PIK3C2A: variants seen among roughly 807,000 people sequenced by gnomAD.
PIK3C2A encodes the protein phosphatidylinositol 4-phosphate 3-kinase C2 domain-containing subunit alpha.
PIK3C2A carries 97 observed loss-of-function variants against 204.5 expected under a neutral mutation model. That is an observed-to-expected ratio of 0.47 (90% confidence interval 0.40 to 0.56). PIK3C2A has a LOEUF of 0.56. PIK3C2A is among the 20% of genes least tolerant of loss of function. The pLI, the probability that PIK3C2A is intolerant of heterozygous loss-of-function variation, is 0.00. For missense variants in PIK3C2A, 1,735 were observed against 1,969.2 expected (o/e 0.88, Z 2.25); for synonymous variants, 653 against 664.4 (o/e 0.98, Z 0.26).
chr11:17,135,675 ATATGTGTG>A (rs577205353), intron 9 of PIK3C2A, among the ~76,000 whole-genome samples: 3,098 of 87,944 alleles, frequency 0.035, 119 homozygotes, highest in African/African-American at 0.12. Flanking sequence ...GTAATTTCAT[ATATGTGTG>A]TGTGTGTGTG....
chr11:17,110,501 T>A lies in PIK3C2A; in HGVS notation c.3475A>T (p.Ile1159Phe), dbSNP rs138982128. 5.5e-5 allele frequency: 88 copies of A among 1,610,172 alleles called. No homozygotes were observed. In the African/African-American group the frequency reaches 1.0e-3, roughly 19 times the overall value. ...ALQMIKIMDK[I>F]WLKEGLDLRM... Reference sequence around the variant, plus strand: ...AGATCTAGTCCTTCTTTAAGCCAGATCTTATCCATAATCTTTATCATCTGT... The same window carrying A: ...AGATCTAGTCCTTCTTTAAGCCAGAACTTATCCATAATCTTTATCATCTGT... The change falls in exon 22 of 33, where the codon ATC (isoleucine) becomes TTC (phenylalanine). Residue 1159 changes from isoleucine to phenylalanine, a missense_variant. Coordinates refer to ENST00000691414, the MANE Select transcript of PIK3C2A (RefSeq NM_002645.4).
At chr11:17,177,629 G>A (rs1170914371) in intron 1 of PIK3C2A, among the ~76,000 whole-genome samples, 1 of 152,080 alleles carries the variant, frequency 6.6e-6, no homozygotes, top group Non-Finnish European at 1.5e-5. Flanking sequence ...CCCAGTACAT[G>A]ACAAGATAAT....
intron 1 of PIK3C2A, among the ~76,000 whole-genome samples, chr11:17,204,586 A>G (rs1304527590): frequency 6.6e-6 from 1 of 152,092 alleles, no homozygotes; most frequent in African/African-American, 2.4e-5. Context: ...AGGTGACCAT[A>G]TCCTATTTAG....
intron 1 of PIK3C2A, among the ~76,000 whole-genome samples, chr11:17,188,892 G>A (rs924444599): frequency 6.8e-6 from 1 of 146,866 alleles, no homozygotes; most frequent in Non-Finnish European, 1.5e-5. Flanking sequence ...AGCTCTCCAC[G>A]GCATTCCAGG....
intron 23 of PIK3C2A, among the ~76,000 whole-genome samples, chr11:17,103,156 C>T (rs1467420786): frequency 6.6e-6 from 1 of 151,306 alleles, no homozygotes; most frequent in Non-Finnish European, 1.5e-5. Context: ...TCTGACTCTG[C>T]TGCTTAGAAT....
In PIK3C2A at chr11:17,122,709, A is replaced by T; in HGVS notation, c.2504T>A (p.Val835Glu). 6 of 1,337,096 alleles carry T rather than the reference A, an allele frequency of 4.5e-6. No homozygotes were observed. Among genetic ancestry groups the T allele is most frequent in the Non-Finnish European group, 6.4e-6 (6 of 931,952 alleles). 82.8% of individuals were successfully genotyped at this position (1,337,096 alleles called of 1,614,324 possible). The change falls in exon 14 of 33, where the codon GTG (valine) becomes GAG (glutamate). Residue 835 changes from valine (V) to glutamate (E), a missense_variant. Val to Glu is a moderately radical substitution (Grantham distance 121). Transcript: ENST00000691414. The stretch of plus-strand genomic sequence containing the variant: ...GTCAAGAAGTACCATTACCTGTAGC[A>T]CTATTCTTTCCATGACATATCCTTT... ...TKKGYVMERI[V>E]LQVDFPSPAF... is the part of the protein sequence containing the mutation.
At chr11:17,113,296 T>G (rs1013919092) in intron 20 of PIK3C2A, among the ~76,000 whole-genome samples, 2 of 152,064 alleles carry the variant, frequency 1.3e-5, no homozygotes, top group Non-Finnish European at 2.9e-5. Flanking sequence ...AAGCAAAAAC[T>G]TGAGACACAA....
chr11:17,137,826 G>A, intron 8 of PIK3C2A: 1 of 305,480 alleles, frequency 3.3e-6, no homozygotes, highest in East Asian at 7.2e-5. Context: ...TCTTTGCCAA[G>A]CTAGCGCATT....
Position 17,118,662 on chromosome 11 carries a change from T to C in PIK3C2A, c.3018A>G (p.Ile1006Met). The C allele has an allele frequency of 6.8e-7, 1 of 1,464,490 alleles. No individual in the cohort carries two copies. Among genetic ancestry groups the C allele is most frequent in the Non-Finnish European group, 9.5e-7 (1 of 1,049,064 alleles). 90.7% of individuals were successfully genotyped at this position (1,464,490 alleles called of 1,614,324 possible). A position where few individuals can be genotyped will look rare whatever the true frequency, so the allele number is the denominator to read the frequency against. ...LLSRALGNIQ[I>M]AHNLYWLLKD... ...AATCTTACCAATATAAATTGTGTGC[T>C]ATCTGGATATTTCCCAATGCCCTGG... The change falls in exon 18 of 33, where the codon ATA becomes ATG. Residue 1006 changes from isoleucine (I) to methionine (M), a missense_variant. This residue lies in a region of PIK3C2A where 567 missense variants were observed against 576.0 expected (regional missense o/e 0.98). Coordinates refer to ENST00000691414, the MANE Select transcript of PIK3C2A (RefSeq NM_002645.4).
intron 15 of PIK3C2A, among the ~76,000 whole-genome samples, 183 bp downstream of exon 15, chr11:17,122,005 G>A (rs543210473): frequency 3.4e-5 from 5 of 145,674 alleles, no homozygotes; most frequent in South Asian, 4.4e-4. Flanking sequence ...GCTGGCCCTC[G>A]AGACAAAAGT....
chr11:17,137,549 C>A lies in PIK3C2A; in HGVS notation c.1705-924G>T, dbSNP rs1164797660. Among the ~76,000 whole-genome samples, 8 of 151,596 alleles carry A rather than the reference C, an allele frequency of 5.3e-5. No homozygotes were observed. In the Admixed American group the frequency reaches 5.3e-4, roughly 10 times the overall value. On this transcript the variant is annotated intron_variant, in intron 8 of 32. Transcript: ENST00000691414. ...TCAGCCTCCCGAGTAGCTGGGATTACAGGTGTCTGCCACCATGCCTGGCTA... is the reference window on the plus strand; with the variant it reads ...TCAGCCTCCCGAGTAGCTGGGATTAAAGGTGTCTGCCACCATGCCTGGCTA...
intron 28 of PIK3C2A, among the ~76,000 whole-genome samples, chr11:17,092,706 G>C (rs1423503181): frequency 2.0e-5 from 3 of 152,116 alleles, no homozygotes; most frequent in Non-Finnish European, 4.4e-5. Context: ...TCTCTTCAAA[G>C]TATTGGAGAT....
intron 1 of PIK3C2A, among the ~76,000 whole-genome samples, chr11:17,178,401 G>A (rs980388826): frequency 6.6e-6 from 1 of 152,000 alleles, no homozygotes; most frequent in Non-Finnish European, 1.5e-5. Context: ...AAAACATGGT[G>A]AACAAGTATC....
chr11:17,138,883 A>G (rs972377547), intron 8 of PIK3C2A, among the ~76,000 whole-genome samples: 2 of 152,106 alleles, frequency 1.3e-5, no homozygotes, highest in Non-Finnish European at 2.9e-5. Flanking sequence ...CACCCCTTAA[A>G]GCAATTAATC....
intron 2 of PIK3C2A, among the ~76,000 whole-genome samples, chr11:17,163,863 A>G (rs1850861646): frequency 6.6e-6 from 1 of 151,608 alleles, no homozygotes; most frequent in Non-Finnish European, 1.5e-5. Context: ...CAGGTATTCT[A>G]CTTCCTGAAT....
chr11:17,135,051 T>G (rs1487538885), intron 10 of PIK3C2A, 22 bp from the exon 11 acceptor site: 1 of 1,609,532 alleles, frequency 6.2e-7, no homozygotes, highest in Admixed American at 1.7e-5. Flanking sequence ...AAAAAAAAAG[T>G]TAATAGATTC....
chr11:17,193,310 G>A (rs1395956833), intron 1 of PIK3C2A, among the ~76,000 whole-genome samples: 2 of 152,216 alleles, frequency 1.3e-5, no homozygotes, highest in Non-Finnish European at 2.9e-5. Flanking sequence ...TTCCGCCGCA[G>A]TTAGAAACTG....
In PIK3C2A at chr11:17,131,912, T is replaced by C; in HGVS notation, c.2231+4A>G. The C allele has an allele frequency of 6.3e-7, 1 of 1,599,526 alleles. No homozygotes were observed. The highest frequency in any genetic ancestry group is 8.5e-7 in the Non-Finnish European group (1 of 1,174,460). ...AAGAATAAAAAGCCAGAAATTTCAC[T>C]TACAGTTCATCCCATTTAATAAGAT... On this transcript the variant is annotated splice_donor_region_variant and intron_variant, in intron 12 of 32. Coordinates refer to ENST00000691414, the MANE Select transcript of PIK3C2A (RefSeq NM_002645.4).
chr11:17,141,582 G>A (rs1259003950), intron 8 of PIK3C2A, among the ~76,000 whole-genome samples: 1 of 152,116 alleles, frequency 6.6e-6, no homozygotes, highest in Non-Finnish European at 1.5e-5. Flanking sequence ...GTCTAAGCTA[G>A]ACATTAACAC....
Sources: gnomAD v4.1 joint callset for allele counts (sites outside exome capture counted in the v4.1 genomes callset) on GRCh38, gnomAD v4.1.1 for gene constraint, gnomAD v4.1.1 regional missense constraint, MANE v1.5 for transcripts, NCBI Gene and HGNC (gene_info 2026-07-23, HGNC 2026-07-21) for gene names.